LRRC28: variants seen among roughly 807,000 people sequenced by gnomAD.
LRRC28 encodes the protein leucine-rich repeat-containing protein 28.
LRRC28 carries 39 observed loss-of-function variants against 45.7 expected under a neutral mutation model. That is an observed-to-expected ratio of 0.85 (90% CI 0.66 to 1.12). The LOEUF (loss-of-function observed/expected upper bound fraction) is 1.12, where lower values mean the gene tolerates loss of function less well. Among genes scored for constraint, LRRC28 ranks in the 50% most tolerant of loss-of-function variants. LRRC28 has a pLI of 0.00. For missense variants in LRRC28, 435 were observed against 438.5 expected, an observed-to-expected ratio of 0.99 and a Z score of 0.07; for synonymous variants, 206 against 178.8, an observed-to-expected ratio of 1.15 and a Z score of -1.22.
At chr15:99,329,821 C>G (rs954027859) in intron 5 of LRRC28, among the ~76,000 whole-genome samples, 2 of 152,206 alleles carry the variant, frequency 1.3e-5, no homozygotes, top group African/African-American at 4.8e-5. Context: ...AGTTATAAAG[C>G]TGGCTGCACG....
chr15:99,315,348 T>C (rs1043342186), intron 5 of LRRC28, among the ~76,000 whole-genome samples: 1 of 152,236 alleles, frequency 6.6e-6, no homozygotes, highest in Non-Finnish European at 1.5e-5. Flanking sequence ...GTTTCTGTGA[T>C]AGAAAGTTTC....
At chr15:99,374,860 G>T (rs917884430) in intron 9 of LRRC28, among the ~76,000 whole-genome samples, 1 of 151,512 alleles carries the variant, frequency 6.6e-6, no homozygotes, top group Non-Finnish European at 1.5e-5. Flanking sequence ...GTAGAGACAG[G>T]GTTTTACTGT....
chr15:99,347,516 A>G (rs1377462828), intron 6 of LRRC28, among the ~76,000 whole-genome samples: 1 of 152,202 alleles, frequency 6.6e-6, no homozygotes. Flanking sequence ...AATACTCTGT[A>G]TATAAGTGAG....
intron 1 of LRRC28, among the ~76,000 whole-genome samples, chr15:99,252,272 G>A (rs1345146837): frequency 6.6e-6 from 1 of 152,220 alleles, no homozygotes; most frequent in Non-Finnish European, 1.5e-5. Context: ...GCTGTGTATG[G>A]CCCGTGAATG....
chr15:99,299,112 G>A (rs1480874944), intron 5 of LRRC28, among the ~76,000 whole-genome samples: 1 of 152,180 alleles, frequency 6.6e-6, no homozygotes, highest in Non-Finnish European at 1.5e-5. Flanking sequence ...TTAATAGTTC[G>A]TTTTTACTGA....
chr15:99,334,686 A>T (rs1190308371), intron 6 of LRRC28, among the ~76,000 whole-genome samples: 2 of 152,190 alleles, frequency 1.3e-5, no homozygotes, highest in Non-Finnish European at 2.9e-5. Flanking sequence ...TTGACATATT[A>T]TATGTCATAG....
At position 99,388,351 on chromosome 15, in the gene LRRC28, T is replaced by C. The variant is rs1321541974; in HGVS notation, c.*2249T>C. The C allele has an allele frequency of 2.0e-5, 3 of 152,252 alleles. No individual in the cohort carries two copies. The highest frequency in any genetic ancestry group is 4.8e-5 in the African/African-American group (2 of 41,462). The allele number at this position is 152,252 out of a possible 1,614,324, so 9.4% of individuals were successfully genotyped here. On this transcript the variant is annotated 3_prime_UTR_variant, in exon 10 of 10. Transcript: ENST00000301981. ...TTGTGATAAGGTGATACATTAGTTTTACCTTGTTTGAAATTTTACAAAAAT... is the reference window on the plus strand; with the variant it reads ...TTGTGATAAGGTGATACATTAGTTTCACCTTGTTTGAAATTTTACAAAAAT...
intron 2 of LRRC28, chr15:99,258,620 A>G (rs1382711485): frequency 4.0e-6 from 3 of 756,322 alleles, no homozygotes; most frequent in African/African-American, 3.4e-5. Flanking sequence ...GTGAATGGGA[A>G]CTTATGAATG....
At chr15:99,292,289 T>C (rs564315156) in intron 5 of LRRC28, among the ~76,000 whole-genome samples, 8 of 152,310 alleles carry the variant, frequency 5.3e-5, no homozygotes, top group African/African-American at 1.9e-4. Flanking sequence ...GCCCTCATTT[T>C]TGGTAAAGGT....
At position 99,363,209 on chromosome 15, in the gene LRRC28, C is replaced by T. The variant is rs374523053; in HGVS notation, c.975C>T (p.Ile325=). ...CHRCSEPMFT[I]VYPKLFPLRE... is the part of the protein sequence containing the mutation. ...GGTGTAGTGAGCCTATGTTTACCATCGTCTACCCCAAGCTCTTTCCCTTGA... is the reference window on the plus strand; with the variant it reads ...GGTGTAGTGAGCCTATGTTTACCATTGTCTACCCCAAGCTCTTTCCCTTGA... The change falls in exon 9 of 10, where the codon ATC becomes ATT. Residue 325 remains isoleucine, a synonymous_variant. Coordinates refer to ENST00000301981, the MANE Select transcript of LRRC28 (RefSeq NM_144598.5). The T allele has an allele frequency of 8.7e-6, 14 of 1,613,938 alleles. No individual in the cohort carries two copies. Among genetic ancestry groups the T allele is most frequent in the East Asian group, 2.2e-5 (1 of 44,894 alleles).
chr15:99,365,641 A>G (rs1403130631), intron 9 of LRRC28, among the ~76,000 whole-genome samples: 1 of 152,234 alleles, frequency 6.6e-6, no homozygotes, highest in Non-Finnish European at 1.5e-5. Flanking sequence ...GTTTTCTAAT[A>G]TATTCAGTTG....
intron 9 of LRRC28, among the ~76,000 whole-genome samples, chr15:99,382,506 T>C (rs1933152235): frequency 6.6e-6 from 1 of 152,264 alleles, no homozygotes; most frequent in Non-Finnish European, 1.5e-5. Context: ...CACCTAGATA[T>C]TTAGAATTAA....
At chr15:99,323,892 A>G (rs949179082) in intron 5 of LRRC28, among the ~76,000 whole-genome samples, 7 of 152,190 alleles carry the variant, frequency 4.6e-5, no homozygotes, top group African/African-American at 1.4e-4. Flanking sequence ...CCAAAGTTGC[A>G]TGGCCAATAA....
intron 2 of LRRC28, chr15:99,258,902 C>A (rs1219070428): frequency 2.8e-6 from 2 of 718,284 alleles, no homozygotes; most frequent in East Asian, 2.6e-5. Flanking sequence ...GCCTAAGAAC[C>A]TGAATTTTGT....
chr15:99,355,870 G>A (rs1318960273), intron 7 of LRRC28, among the ~76,000 whole-genome samples: 5 of 152,140 alleles, frequency 3.3e-5, no homozygotes, highest in Non-Finnish European at 7.3e-5. Flanking sequence ...GAGTAATAGA[G>A]TTGTTTGTAT....
At chr15:99,365,580 T>C (rs1260829511) in intron 9 of LRRC28, among the ~76,000 whole-genome samples, 1 of 152,268 alleles carries the variant, frequency 6.6e-6, no homozygotes, top group Non-Finnish European at 1.5e-5. Context: ...CTCCAGTAGC[T>C]TGTTGCTGAA....
At chr15:99,380,214 G>C (rs145782616) in intron 9 of LRRC28, among the ~76,000 whole-genome samples, 1 of 152,116 alleles carries the variant, frequency 6.6e-6, no homozygotes, top group Non-Finnish European at 1.5e-5. Context: ...TATGAATCTG[G>C]GTGCTCCTGT....
rs1283063462 is a variant in LRRC28 at position 99,387,011 on chromosome 15, T to C, written c.*909T>C. 1.3e-5 allele frequency: 2 copies of C among 152,162 alleles called. No homozygotes were observed. Among genetic ancestry groups the C allele is most frequent in the Non-Finnish European group, 2.9e-5 (2 of 68,030 alleles). The allele number at this position is 152,162 out of a possible 1,614,324, so 9.4% of individuals were successfully genotyped here. On this transcript the variant is annotated 3_prime_UTR_variant, in exon 10 of 10. Transcript: ENST00000301981. ...GTTTATGATTCAGTTTATACTGACT[T>C]TGAAATATTTTTGTCACATGTGAAA...
At chr15:99,269,266 G>C (rs1412294291) in intron 2 of LRRC28, among the ~76,000 whole-genome samples, 2 of 152,110 alleles carry the variant, frequency 1.3e-5, no homozygotes, top group Admixed American at 6.5e-5. Context: ...TTATTTCTAA[G>C]AAAAATAATC....
Sources: gnomAD v4.1 joint callset for allele counts (sites outside exome capture counted in the v4.1 genomes callset) on GRCh38, gnomAD v4.1.1 for gene constraint, MANE v1.5 for transcripts, NCBI Gene and HGNC (gene_info 2026-07-23, HGNC 2026-07-21) for gene names.